The following LRRK2 variants were observed in gnomAD, a reference collection of about 807,000 sequenced individuals.
The protein encoded by LRRK2 is leucine rich repeat kinase 2, also known as leucine-rich repeat serine/threonine-protein kinase 2.
LRRK2 carries 203 observed loss-of-function variants against 302.6 expected under a neutral mutation model. The ratio of observed to expected loss-of-function variants is 0.67; its 90% CI spans 0.60 to 0.75. The LOEUF (loss-of-function observed/expected upper bound fraction) is 0.75, where lower values mean the gene tolerates loss of function less well. LRRK2 is among the 30% of genes least tolerant of loss of function. The probability of loss-of-function intolerance (pLI) is 0.00; values close to 1 mark genes in which losing one functional copy is unlikely to be tolerated. For missense variants in LRRK2, 2,830 were observed against 2,951.0 expected (o/e 0.96, Z 0.95); for synonymous variants, 1,066 against 1,031.9 (o/e 1.03, Z -0.63).
chr12:40,249,214 C>T (rs1942145358), intron 7 of LRRK2, among the ~76,000 whole-genome samples: 1 of 152,040 alleles, frequency 6.6e-6, no homozygotes, highest in Non-Finnish European at 1.5e-5. Flanking sequence ...TAAAGTTTTT[C>T]CTCATAAGGA....
intron 44 of LRRK2, among the ~76,000 whole-genome samples, chr12:40,353,716 C>T (rs1946440450): frequency 6.6e-6 from 1 of 152,246 alleles, no homozygotes; most frequent in African/African-American, 2.4e-5. Context: ...GTGAACGAGA[C>T]TCCGTCTGCA....
chr12:40,341,971 A>G (rs1242822195), intron 41 of LRRK2, among the ~76,000 whole-genome samples: 1 of 152,222 alleles, frequency 6.6e-6, no homozygotes, highest in Admixed American at 6.5e-5. Context: ...TTCCACCTGG[A>G]AAAAGTGGGC....
intron 38 of LRRK2, among the ~76,000 whole-genome samples, chr12:40,327,942 T>C (rs1250091311): frequency 6.6e-6 from 1 of 152,166 alleles, no homozygotes; most frequent in African/African-American, 2.4e-5. Context: ...GAATAAAAAC[T>C]AGTTAGGAGA....
At chr12:40,310,211 T>C (rs1944991712) in intron 30 of LRRK2, among the ~76,000 whole-genome samples, 1 of 151,932 alleles carries the variant, frequency 6.6e-6, no homozygotes, top group Non-Finnish European at 1.5e-5. Context: ...GGGTGAAGAA[T>C]TGGGTTAAGA....
intron 48 of LRRK2, 113 bp from the exon 49 acceptor site, chr12:40,364,729 T>C (rs149792208): frequency 3.6e-5 from 32 of 896,396 alleles, no homozygotes; most frequent in Non-Finnish European, 5.3e-5. Flanking sequence ...TGATGCATAA[T>C]GGTGGTGGTG....
In LRRK2 at chr12:40,284,045, C is replaced by T. The variant is rs1943814472; in HGVS notation, c.2412C>T (p.Cys804=). 1 of 1,613,474 alleles carries T rather than the reference C, an allele frequency of 6.2e-7. No individual in the cohort carries two copies. Among genetic ancestry groups the T allele is most frequent in the Non-Finnish European group, 8.5e-7 (1 of 1,179,730 alleles). The change falls in exon 19 of 51, where the codon TGC becomes TGT. Residue 804 remains cysteine (C), a synonymous_variant. Coordinates refer to ENST00000298910, the MANE Select transcript of LRRK2 (RefSeq NM_198578.4). The part of the protein sequence containing the change: ...LALDVANNSI[C]LGGFCIGKVE... The stretch of plus-strand genomic sequence containing the variant: ...TGGATGTGGCCAACAATAGCATTTG[C>T]CTTGGAGGATTTTGTATAGGAAAAG...
At chr12:40,328,625 G>A (rs1163365923) in intron 39 of LRRK2, among the ~76,000 whole-genome samples, 165 bp downstream of exon 39, 2 of 152,128 alleles carry the variant, frequency 1.3e-5, no homozygotes, top group South Asian at 2.1e-4. Context: ...AAAGTTTTGT[G>A]TTATTTCTCC....
At position 40,364,899 on chromosome 12, in the gene LRRK2, AGTGAAAAC is replaced by A. The variant is rs1565784544; in HGVS notation, c.7240_7247del (p.Val2414ProfsTer37). On this transcript the variant is annotated frameshift_variant, in exon 49 of 51. Transcript: ENST00000298910. LOFTEE classifies it high-confidence loss of function. ...AACACAAAATGTCTTATTCTGGGAG[AGTGAAAAC>A]CCTCTGCCTTCAGAAGAACACTGCT... The A allele has an allele frequency of 2.5e-6, 4 of 1,612,482 alleles. No individual in the cohort carries two copies. Among genetic ancestry groups the A allele is most frequent in the Non-Finnish European group, 3.4e-6 (4 of 1,179,024 alleles).
At chr12:40,289,300 A>G (rs1944050449) in intron 20 of LRRK2, among the ~76,000 whole-genome samples, 1 of 151,672 alleles carries the variant, frequency 6.6e-6, no homozygotes, top group African/African-American at 2.4e-5. Flanking sequence ...CACTGTCTTG[A>G]TTACTCTAGC....
intron 40 of LRRK2, among the ~76,000 whole-genome samples, chr12:40,338,563 T>G (rs976281134): frequency 2.0e-5 from 3 of 152,208 alleles, no homozygotes; most frequent in Non-Finnish European, 4.4e-5. Flanking sequence ...AGGAAAAATC[T>G]TTACTTATTA....
intron 33 of LRRK2, among the ~76,000 whole-genome samples, chr12:40,318,282 A>G (rs79847124): frequency 0.015 from 2,286 of 152,210 alleles, 146 homozygotes; most frequent in Admixed American, 0.1. Flanking sequence ...GATGGAAATG[A>G]TGTGTCCATC....
chr12:40,278,696 C>T (rs1228388733), intron 18 of LRRK2, among the ~76,000 whole-genome samples: 1 of 152,156 alleles, frequency 6.6e-6, no homozygotes, highest in Non-Finnish European at 1.5e-5. Flanking sequence ...ACACTTTTGT[C>T]GGTGCCATTC....
intron 22 of LRRK2, 145 bp from the exon 23 acceptor site, chr12:40,295,282 A>T: frequency 1.4e-6 from 1 of 706,404 alleles, no homozygotes; most frequent in Non-Finnish European, 2.4e-6. Flanking sequence ...CTGCCACTGG[A>T]ATGTAAACTC....
At chr12:40,334,825 A>C in intron 39 of LRRK2, 142 bp from the exon 40 acceptor site, 1 of 971,840 alleles carries the variant, frequency 1.0e-6, no homozygotes, top group Admixed American at 2.1e-5. Flanking sequence ...GGGAAAAAAA[A>C]CTCAGAGAAG....
rs957662500 is a variant in LRRK2, at chr12:40,340,466, G to T, written c.6109+12G>T. On this transcript the variant is annotated intron_variant, in intron 41 of 50. Transcript: ENST00000298910. ...AGAGGGCACACCAGGTAGGTGATCA[G>T]GTCTGTCTCATAATTCTATCTTCAG... 6.2e-7 allele frequency: 1 copy of T among 1,613,480 alleles called. No homozygotes were observed. Among genetic ancestry groups the T allele is most frequent in the African/African-American group, 1.3e-5 (1 of 74,880 alleles).
Position 40,287,497 on chromosome 12 carries a change from A to G in LRRK2, c.2647A>G (p.Met883Val). The G allele has an allele frequency of 1.2e-6, 2 of 1,612,732 alleles. No individual in the cohort carries two copies. The highest frequency in any genetic ancestry group is 1.7e-6 in the Non-Finnish European group (2 of 1,179,024). ...ATGGACCTTTATTCCTGACTCTTCT[A>G]TGGACAGTGTGTTTGCTCAAAGTGA... ...DEWTFIPDSSMDSVFAQSDDL... is the reference protein window; with the variant it reads ...DEWTFIPDSSVDSVFAQSDDL... The change falls in exon 20 of 51, where the codon ATG becomes GTG. Residue 883 changes from methionine to valine, a missense_variant. Coordinates refer to ENST00000298910, the MANE Select transcript of LRRK2 (RefSeq NM_198578.4).
rs1592124460 is a variant in LRRK2 at position 40,225,158 on chromosome 12, C to T, written c.27C>T (p.Cys9=). 2 of 1,613,868 alleles carry T rather than the reference C, an allele frequency of 1.2e-6. No homozygotes were observed. Among genetic ancestry groups the T allele is most frequent in the East Asian group, 2.2e-5 (1 of 44,874 alleles). MASGSCQG[C]EEDEETLKKL... Reference sequence around the variant, plus strand: ...TGGCTAGTGGCAGCTGTCAGGGGTGCGAAGAGGACGAGGAAACTCTGAAGA... The same window carrying T: ...TGGCTAGTGGCAGCTGTCAGGGGTGTGAAGAGGACGAGGAAACTCTGAAGA... Residue 9 remains cysteine (C), a synonymous_variant, in exon 1 of 51, where the codon TGC becomes TGT. Coordinates refer to ENST00000298910, the MANE Select transcript of LRRK2 (RefSeq NM_198578.4).
chr12:40,355,549 T>TA (rs754028820), intron 45 of LRRK2, among the ~76,000 whole-genome samples: 1 of 100,300 alleles, frequency 1.0e-5, no homozygotes, highest in Non-Finnish European at 2.0e-5. Context: ...TCCTTCTTCT[T>TA]TTTTTTTTTT....
At chr12:40,305,680 C>G in intron 27 of LRRK2, 105 bp from the exon 28 acceptor site, 1 of 971,194 alleles carries the variant, frequency 1.0e-6, no homozygotes, top group South Asian at 1.3e-5. Flanking sequence ...GTTGTGCAAG[C>G]TGCTGATGGA....
Sources: allele counts gnomAD v4.1 joint callset (sites outside exome capture counted in the v4.1 genomes callset), GRCh38; gene constraint gnomAD v4.1.1; transcripts MANE v1.5; gene names NCBI Gene and HGNC (gene_info 2026-07-23, HGNC 2026-07-21).